CHODL: variants seen among roughly 807,000 people sequenced by gnomAD.
CHODL encodes the protein transmembrane protein MT75.
CHODL carries 29 observed loss-of-function variants against 34.5 expected under a neutral mutation model. That is an observed-to-expected ratio of 0.84 (90% confidence interval 0.63 to 1.15). The LOEUF is 1.15. Ranked by LOEUF, CHODL falls within the 50% of genes most tolerant of loss-of-function variation. The pLI, the probability that CHODL is intolerant of heterozygous loss-of-function variation, is 0.00. For missense variants in CHODL, 332 were observed against 332.5 expected (o/e 1.00, Z 0.01); for synonymous variants, 125 against 116.1 (o/e 1.08, Z -0.49).
intron 1 of CHODL, among the ~76,000 whole-genome samples, chr21:17,955,869 G>A (rs1201024069): frequency 7.3e-6 from 1 of 136,684 alleles, no homozygotes; most frequent in African/African-American, 2.5e-5. Context: ...TCAATAATTT[G>A]TGAGGCTGTT....
At chr21:18,091,974 A>C (rs188427086) in intron 2 of CHODL, among the ~76,000 whole-genome samples, 1 of 152,060 alleles carries the variant, frequency 6.6e-6, no homozygotes, top group East Asian at 1.9e-4. Context: ...TTTTGACTTC[A>C]ATCTCTGGCT....
At chr21:17,992,846 G>T (rs2063811020) in intron 1 of CHODL, among the ~76,000 whole-genome samples, 1 of 151,418 alleles carries the variant, frequency 6.6e-6, no homozygotes, top group South Asian at 2.1e-4. Flanking sequence ...TAGAGACGGG[G>T]TTTCTCCATG....
chr21:18,214,618 T>C (rs1283601662), intron 2 of CHODL, among the ~76,000 whole-genome samples: 1 of 152,148 alleles, frequency 6.6e-6, no homozygotes, highest in Non-Finnish European at 1.5e-5. Context: ...ATATGTAAAA[T>C]AATTTTAGAC....
At chr21:18,220,574 G>A (rs1397099640) in intron 2 of CHODL, among the ~76,000 whole-genome samples, 1 of 151,938 alleles carries the variant, frequency 6.6e-6, no homozygotes. Flanking sequence ...ACTCCCTTAA[G>A]CATTTCTTGT....
intron 2 of CHODL, among the ~76,000 whole-genome samples, chr21:18,055,825 T>C (rs935968180): frequency 3.9e-5 from 6 of 152,192 alleles, no homozygotes; most frequent in African/African-American, 1.4e-4. Context: ...ATAGAATATG[T>C]TCATAAGAAT....
intron 2 of CHODL, among the ~76,000 whole-genome samples, chr21:18,039,124 G>T (rs1239700087): frequency 6.6e-6 from 1 of 151,508 alleles, no homozygotes; most frequent in Non-Finnish European, 1.5e-5. Flanking sequence ...TGAATCGAGG[G>T]ATTCTTAATG....
At chr21:18,071,278 C>G (rs1005123321) in intron 2 of CHODL, among the ~76,000 whole-genome samples, 1 of 151,454 alleles carries the variant, frequency 6.6e-6, no homozygotes, top group African/African-American at 2.4e-5. Flanking sequence ...TCCGGAGTAG[C>G]TAGGACTACA....
intron 1 of CHODL, among the ~76,000 whole-genome samples, chr21:18,027,112 T>C (rs973222655): frequency 7.8e-4 from 2 of 2,548 alleles, no homozygotes; most frequent in Non-Finnish European, 1.3e-3. Context: ...CCCCTATTAC[T>C]ATGAAAAAAA....
intron 2 of CHODL, among the ~76,000 whole-genome samples, chr21:18,057,780 C>G (rs1046071104): frequency 1.3e-5 from 2 of 151,868 alleles, no homozygotes; most frequent in African/African-American, 4.8e-5. Flanking sequence ...GCTTTCTTAT[C>G]AACCTGCTTT....
At chr21:18,020,596 A>G (rs1316748906) in intron 1 of CHODL, among the ~76,000 whole-genome samples, 1 of 152,154 alleles carries the variant, frequency 6.6e-6, no homozygotes, top group Non-Finnish European at 1.5e-5. Context: ...TAAACCCTTC[A>G]GTTCTTCTTC....
intron 2 of CHODL, among the ~76,000 whole-genome samples, chr21:18,043,327 G>T (rs1274688948): frequency 6.6e-6 from 1 of 151,944 alleles, no homozygotes; most frequent in African/African-American, 2.4e-5. Flanking sequence ...TGGACTTGTG[G>T]TTTGTAAGTG....
At chr21:17,941,058 C>T (rs1485500753) in intron 1 of CHODL, among the ~76,000 whole-genome samples, 1 of 152,108 alleles carries the variant, frequency 6.6e-6, no homozygotes, top group Non-Finnish European at 1.5e-5. Context: ...TATAAAGAAA[C>T]AGAAAGCCAA....
chr21:18,152,020 G>T (rs901170006), intron 2 of CHODL, among the ~76,000 whole-genome samples: 5 of 147,362 alleles, frequency 3.4e-5, no homozygotes, highest in African/African-American at 7.7e-5. Context: ...GTGTGTGTGT[G>T]TGTGTTTGTG....
intron 2 of CHODL, among the ~76,000 whole-genome samples, chr21:18,029,383 TA>T (rs2064221019): frequency 6.6e-6 from 1 of 152,176 alleles, no homozygotes; most frequent in Non-Finnish European, 1.5e-5. Flanking sequence ...GAAGCCAGAT[TA>T]AACAATCCTT....
intron 1 of CHODL, among the ~76,000 whole-genome samples, chr21:17,999,816 C>T (rs1178879301): frequency 6.6e-6 from 1 of 152,202 alleles, no homozygotes; most frequent in African/African-American, 2.4e-5. Context: ...AACCACATCA[C>T]CTTCCTTCAG....
chr21:18,069,845 A>G (rs2064774807), intron 2 of CHODL, among the ~76,000 whole-genome samples: 1 of 151,932 alleles, frequency 6.6e-6, no homozygotes. Context: ...CCTGGGCTCA[A>G]GTGATCGTCC....
chr21:17,977,653 C>T (rs2063674869), intron 1 of CHODL, among the ~76,000 whole-genome samples: 1 of 147,020 alleles, frequency 6.8e-6, no homozygotes, highest in South Asian at 2.2e-4. Context: ...AATCACCGTG[C>T]CAGGCCAGAT....
At chr21:18,189,509 T>C (rs979027897) in intron 2 of CHODL, among the ~76,000 whole-genome samples, 1 of 152,124 alleles carries the variant, frequency 6.6e-6, no homozygotes, top group African/African-American at 2.4e-5. Context: ...AGGACATTGA[T>C]AATTGTTAAG....
chr21:18,070,219 C>T (rs1379538707), intron 2 of CHODL, among the ~76,000 whole-genome samples: 5 of 151,406 alleles, frequency 3.3e-5, no homozygotes, highest in African/African-American at 1.2e-4. Flanking sequence ...TCCCCAGAAA[C>T]CTATGGAAAA....
Sources: gnomAD v4.1 joint callset for allele counts (sites outside exome capture counted in the v4.1 genomes callset) on GRCh38, gnomAD v4.1.1 for gene constraint, MANE v1.5 for transcripts, NCBI Gene and HGNC (gene_info 2026-07-23, HGNC 2026-07-21) for gene names.